CUL4B: variants seen among roughly 807,000 people sequenced by gnomAD.
CUL4B encodes cullin 4B.
Under a neutral mutation model 69.2 loss-of-function variants are expected in CUL4B, and 1 was observed. That is an observed-to-expected ratio of 0.01 (90% CI 0.01 to 0.07). CUL4B has a LOEUF of 0.07. Ranked by LOEUF, CUL4B falls within the 10% of genes least tolerant of loss-of-function variation. The pLI is 1.00. For missense variants in CUL4B, 328 were observed against 638.8 expected, an observed-to-expected ratio of 0.51 and a Z score of 5.24; for synonymous variants, 237 against 223.2, an observed-to-expected ratio of 1.06 and a Z score of -0.55.
chrX:120,556,705 C>T (rs747635585), intron 2 of CUL4B, among the ~76,000 whole-genome samples: 2 of 109,106 alleles, frequency 1.8e-5, no homozygotes, highest in African/African-American at 6.7e-5. Context: ...ACTGAGAGGG[C>T]TTTAGTACCT....
intron 18 of CUL4B, among the ~76,000 whole-genome samples, chrX:120,530,645 A>G (rs945652512): frequency 1.8e-5 from 2 of 112,222 alleles, no homozygotes; most frequent in African/African-American, 6.5e-5. Flanking sequence ...CTTGTCTATA[A>G]GGTGACTCTG....
chrX:120,567,840 C>T (rs1327883147), downstream of CUL4B, among the ~76,000 whole-genome samples: 1 of 107,385 alleles, frequency 9.3e-6, no homozygotes, highest in Non-Finnish European at 1.9e-5. Flanking sequence ...TGCCAATGCA[C>T]TCCAGCCTGG....
At chrX:120,553,888 A>G (rs1236302763) in intron 2 of CUL4B, among the ~76,000 whole-genome samples, 1 of 112,086 alleles carries the variant, frequency 8.9e-6, no homozygotes, top group African/African-American at 3.2e-5. Flanking sequence ...TTCCAACTGT[A>G]TGATACCACA....
downstream of CUL4B, among the ~76,000 whole-genome samples, chrX:120,566,909 C>G (rs1397307594): frequency 1.8e-5 from 2 of 110,598 alleles, no homozygotes; most frequent in African/African-American, 6.6e-5. Context: ...CCACAGATGA[C>G]TTCTCCCTTG....
At chrX:120,536,811 A>AGCCCAAGAG in intron 15 of CUL4B, 116 bp downstream of exon 15, 1 of 532,674 alleles carries the variant, frequency 1.9e-6, no homozygotes, top group Admixed American at 2.7e-5. Flanking sequence ...AGCCTGAGCA[A>AGCCCAAGAG]TACAGCGAGA....
chrX:120,542,582 T>C (rs1350122196), intron 9 of CUL4B, among the ~76,000 whole-genome samples: 1 of 111,713 alleles, frequency 9.0e-6, no homozygotes, highest in African/African-American at 3.3e-5. Flanking sequence ...AAAGCTTACA[T>C]ATTAAGTCAA....
chrX:120,548,248 TG>T (rs755438047), intron 2 of CUL4B, among the ~76,000 whole-genome samples: 1 of 110,807 alleles, frequency 9.0e-6, no homozygotes, highest in Non-Finnish European at 1.9e-5. Context: ...CACTCTAGCC[TG>T]GGGACAAAGT....
At position 120,525,182 on chromosome X, in the gene CUL4B, C is replaced by T. The variant is rs1022871032; in HGVS notation, c.*1579G>A. Reference sequence around the variant, plus strand: ...GTTGATGCAACTAGAAAGAAATAGACGACTTTTTAAAATACCTGGCCACAG... The same window carrying T: ...GTTGATGCAACTAGAAAGAAATAGATGACTTTTTAAAATACCTGGCCACAG... On this transcript the variant is annotated 3_prime_UTR_variant, in exon 20 of 20. Transcript: ENST00000371322. 3 of 111,815 alleles carry T rather than the reference C, an allele frequency of 2.7e-5. No homozygotes were observed. The highest frequency in any genetic ancestry group is 6.5e-5 in the African/African-American group (2 of 30,719). 9.2% of individuals were successfully genotyped at this position (111,815 alleles called of 1,213,427 possible). A position where few individuals can be genotyped will look rare whatever the true frequency, so the allele number is the denominator to read the frequency against.
chrX:120,543,214 A>C (rs1924107203), intron 8 of CUL4B, among the ~76,000 whole-genome samples, 181 bp from the exon 9 acceptor site: 1 of 111,578 alleles, frequency 9.0e-6, no homozygotes, highest in Admixed American at 9.6e-5. Context: ...AGAAAAAGAC[A>C]TAAAGGAACT....
chrX:120,547,779 C>A (rs1395117481), intron 2 of CUL4B, among the ~76,000 whole-genome samples: 1 of 111,288 alleles, frequency 9.0e-6, no homozygotes, highest in Non-Finnish European at 1.9e-5. Flanking sequence ...CCATCCTTAA[C>A]CTGGTGGGCA....
chrX:120,559,507 A>T (rs1356234585), intron 1 of CUL4B, among the ~76,000 whole-genome samples: 1 of 112,542 alleles, frequency 8.9e-6, no homozygotes, highest in African/African-American at 3.2e-5. Context: ...TTCTGTGTAT[A>T]CACAATGTTT....
chrX:120,554,758 A>G (rs73639319), intron 2 of CUL4B, among the ~76,000 whole-genome samples: 4,022 of 112,095 alleles, frequency 0.036, 161 homozygotes, highest in African/African-American at 0.12. Flanking sequence ...GTATAACTAC[A>G]TATTTCCACA....
Position 120,526,571 on chromosome X carries a change from T to C in CUL4B, c.*190A>G. 1 of 309,971 alleles carries C rather than the reference T, an allele frequency of 3.2e-6. No individual in the cohort carries two copies. The allele number at this position is 309,971 out of a possible 1,213,427, so 25.5% of individuals were successfully genotyped here. On this transcript the variant is annotated 3_prime_UTR_variant, in exon 20 of 20. Coordinates refer to ENST00000371322, the MANE Select transcript of CUL4B (RefSeq NM_001079872.2). ...TGCAAAGAGTTCAACAACATTCTTC[T>C]TAAAGGTAAGTATTACTCTTTAAAA... is the stretch of plus-strand genomic sequence containing the variant.
At chrX:120,544,743 C>T (rs1247691076) in intron 5 of CUL4B, 100 bp from the exon 6 acceptor site, 7 of 666,777 alleles carry the variant, frequency 1.0e-5, no homozygotes. Flanking sequence ...AATTAGGGCT[C>T]CAGGGCTTTG....
chrX:120,561,005 G>A (rs1925266957), upstream of CUL4B: 4 of 965,026 alleles, frequency 4.1e-6, no homozygotes, highest in Non-Finnish European at 5.2e-6. Context: ...CTCCCTGGGA[G>A]GGGAGAGGCT....
intron 2 of CUL4B, among the ~76,000 whole-genome samples, chrX:120,548,691 G>C: frequency 9.1e-6 from 1 of 109,585 alleles, no homozygotes; most frequent in Non-Finnish European, 1.9e-5. Flanking sequence ...AAAATTAGCC[G>C]GACATGGTGG....
upstream of CUL4B, among the ~76,000 whole-genome samples, chrX:120,566,345 G>GTATATATATATATATATATATATATATA (rs537274243): frequency 2.4e-5 from 1 of 40,987 alleles, no homozygotes; most frequent in African/African-American, 9.8e-5. Context: ...GTGTGTATAG[G>GTATATATATATATATATATATATATATA]TATATATATA....
chrX:120,532,368 T>C (rs1923369949), intron 18 of CUL4B, 54 bp downstream of exon 18: 4 of 948,946 alleles, frequency 4.2e-6, no homozygotes, highest in Middle Eastern at 3.4e-4. Flanking sequence ...ATATTTTGAT[T>C]ATTAACATGT....
At position 120,546,539 on chromosome X, in the gene CUL4B, C is replaced by A; in HGVS notation, c.846+8G>T. On this transcript the variant is annotated splice_region_variant and intron_variant, in intron 4 of 19. Transcript: ENST00000371322. ...TTTAGCCGAAATACAATACTTTTTC[C>A]AGCTTACCATTTGTCTGCAATGGTT... The A allele has an allele frequency of 8.4e-7, 1 of 1,190,733 alleles. No individual in the cohort carries two copies. Among genetic ancestry groups the A allele is most frequent in the Non-Finnish European group, 1.1e-6 (1 of 877,748 alleles).
Sources: allele counts gnomAD v4.1 joint callset (sites outside exome capture counted in the v4.1 genomes callset), GRCh38; gene constraint gnomAD v4.1.1; transcripts MANE v1.5; gene names NCBI Gene and HGNC (gene_info 2026-07-23, HGNC 2026-07-21).